EYS: variants seen among roughly 807,000 people sequenced by gnomAD.
EYS encodes protein eyes shut homolog.
A neutral mutation model predicts 282.1 loss-of-function variants in EYS; 250 were observed. The ratio of observed to expected loss-of-function variants is 0.89; its 90% confidence interval spans 0.80 to 0.98. The LOEUF (loss-of-function observed/expected upper bound fraction) is 0.98, where lower values mean the gene tolerates loss of function less well. EYS is among the 50% of genes least tolerant of loss of function. The pLI is 0.00. For missense variants in EYS, 4,016 were observed against 3,709.0 expected (o/e 1.08, Z -2.15); for synonymous variants, 1,355 against 1,282.9 (o/e 1.06, Z -1.20).
intron 33 of EYS, among the ~76,000 whole-genome samples, chr6:64,036,867 G>T (rs1241287421): frequency 2.0e-5 from 3 of 152,186 alleles, no homozygotes; most frequent in Non-Finnish European, 2.9e-5. Flanking sequence ...CCACACGGAG[G>T]ATAGTGGCAA....
At chr6:64,852,188 A>G (rs965416443) in intron 19 of EYS, among the ~76,000 whole-genome samples, 1 of 152,096 alleles carries the variant, frequency 6.6e-6, no homozygotes, top group African/African-American at 2.4e-5. Context: ...TGAAGGATGC[A>G]AAGTATTGAT....
chr6:64,705,744 G>A (rs574832627), intron 22 of EYS, among the ~76,000 whole-genome samples: 21 of 148,234 alleles, frequency 1.4e-4, no homozygotes, highest in East Asian at 4.0e-4. Flanking sequence ...ACCAAACACC[G>A]CATATTCTCA....
intron 12 of EYS, among the ~76,000 whole-genome samples, chr6:65,242,141 A>G (rs1437247733): frequency 6.6e-6 from 1 of 152,114 alleles, no homozygotes; most frequent in Non-Finnish European, 1.5e-5. Flanking sequence ...CTATATTGAG[A>G]TATAATTCAC....
At position 65,443,386 on chromosome 6, in the gene EYS, A is replaced by G. The variant is rs868031702; in HGVS notation, c.863-38019T>C. Among the ~76,000 whole-genome samples, 41 of 100,110 alleles carry G rather than the reference A, an allele frequency of 4.1e-4. 1 individual carries two copies. The highest frequency in any genetic ancestry group is 9.6e-4 in the African/African-American group (35 of 36,486). 65.7% of individuals were successfully genotyped at this position (100,110 alleles called of 152,430 possible). Reference sequence around the variant, plus strand: ...TACATGTATGTACACATATAGACATATATGCATACATGTATGTACACATAT... The same window carrying G: ...TACATGTATGTACACATATAGACATGTATGCATACATGTATGTACACATAT... On this transcript the variant is annotated intron_variant, in intron 5 of 42. Transcript: ENST00000503581.
chr6:64,365,550 G>A (rs1370262381), intron 29 of EYS, among the ~76,000 whole-genome samples: 1 of 151,972 alleles, frequency 6.6e-6, no homozygotes, highest in Non-Finnish European at 1.5e-5. Context: ...AGCAGTCTTT[G>A]ACATCTCTGC....
At chr6:64,514,745 T>C (rs7764098) in intron 26 of EYS, among the ~76,000 whole-genome samples, 3,575 of 151,880 alleles carry the variant, frequency 0.024, 136 homozygotes, top group African/African-American at 0.082. Context: ...CCCTGTCTAA[T>C]ATAGCATCAT....
chr6:65,542,127 A>T (rs9345647), intron 2 of EYS, among the ~76,000 whole-genome samples: 62,468 of 151,982 alleles, frequency 0.41, 13,209 homozygotes, highest in Middle Eastern at 0.54. Context: ...GATAGATTTG[A>T]CTTTTTAGCA....
intron 22 of EYS, among the ~76,000 whole-genome samples, chr6:64,629,408 A>T (rs1767710686): frequency 2.0e-5 from 3 of 152,212 alleles, no homozygotes; most frequent in East Asian, 1.9e-4. Flanking sequence ...ATATATTTTT[A>T]AAATCTTTTC....
At chr6:64,818,522 G>C (rs1017808799) in intron 21 of EYS, among the ~76,000 whole-genome samples, 1 of 152,088 alleles carries the variant, frequency 6.6e-6, no homozygotes, top group African/African-American at 2.4e-5. Flanking sequence ...AAGCCAGTCC[G>C]AGTCCCAAAA....
At chr6:64,117,584 T>C (rs1040122662) in intron 31 of EYS, among the ~76,000 whole-genome samples, 4 of 151,572 alleles carry the variant, frequency 2.6e-5, no homozygotes, top group Admixed American at 6.6e-5. Context: ...TTATAAACAA[T>C]TATATGCCAA....
intron 14 of EYS, among the ~76,000 whole-genome samples, chr6:64,972,693 G>A (rs1239439073): frequency 1.3e-5 from 2 of 152,074 alleles, no homozygotes; most frequent in African/African-American, 2.4e-5. Context: ...CGTGTTAGTA[G>A]ACTACATTAC....
At position 65,141,259 on chromosome 6, in the gene EYS, G is replaced by A. The variant is rs546985854; in HGVS notation, c.2024-83532C>T. On this transcript the variant is annotated intron_variant, in intron 12 of 42. Coordinates refer to ENST00000503581, the MANE Select transcript of EYS (RefSeq NM_001142800.2). ...TCACAAGGACAAAAAACCAAACACC[G>A]CATGTTCTCACTCATAGGTGGGAAT... 2.4e-4 allele frequency among the ~76,000 whole-genome samples: 37 copies of A among 151,948 alleles called. 1 individual carries two copies. The highest frequency in any genetic ancestry group is 1.2e-3 in the South Asian group (6 of 4,822).
intron 35 of EYS, among the ~76,000 whole-genome samples, chr6:63,965,440 A>G (rs771539108): frequency 2.6e-5 from 4 of 152,292 alleles, no homozygotes; most frequent in East Asian, 1.9e-4. Context: ...TTTGTTTTCA[A>G]TTTTAACAGA....
At chr6:65,379,933 G>C (rs1484249877) in intron 8 of EYS, among the ~76,000 whole-genome samples, 1 of 151,858 alleles carries the variant, frequency 6.6e-6, no homozygotes, top group Non-Finnish European at 1.5e-5. Context: ...CCTCTTCAAG[G>C]AGAACTACAA....
chr6:63,845,203 A>G (rs1176714002), intron 36 of EYS, among the ~76,000 whole-genome samples: 1 of 152,126 alleles, frequency 6.6e-6, no homozygotes. Flanking sequence ...AAGATGGGGG[A>G]GCATTTATTC....
intron 16 of EYS, among the ~76,000 whole-genome samples, chr6:64,903,409 T>C (rs1312564907): frequency 2.0e-5 from 3 of 152,186 alleles, no homozygotes; most frequent in Admixed American, 2.0e-4. Context: ...TTAAGAAAAC[T>C]GTATTCATTG....
intron 14 of EYS, 125 bp from the exon 15 acceptor site, chr6:64,946,039 C>A: frequency 1.5e-6 from 1 of 661,058 alleles, no homozygotes. Flanking sequence ...TATAGAATGC[C>A]AATACTCCCC....
chr6:64,518,208 T>C (rs368177675), intron 26 of EYS, among the ~76,000 whole-genome samples: 10 of 151,946 alleles, frequency 6.6e-5, no homozygotes, highest in African/African-American at 2.4e-4. Flanking sequence ...TCTCATTCTC[T>C]ATGCAGTCTA....
Position 64,005,985 on chromosome 6 carries a change from G to C in EYS, c.6726-6802C>G, listed in dbSNP as rs149190179. Among the ~76,000 whole-genome samples the C allele has an allele frequency of 3.0e-3, 460 of 152,230 alleles. 6 individuals are homozygous for C. Among genetic ancestry groups the C allele is most frequent in the Admixed American group, 0.025 (380 of 15,270 alleles). On this transcript the variant is annotated intron_variant, in intron 33 of 42. Coordinates refer to ENST00000503581, the MANE Select transcript of EYS (RefSeq NM_001142800.2). ...TCGGTTCCATATGAATTTTAAAATA[G>C]TTTTTTCTAATTCTGTGAAGAATGT...
Sources: allele counts gnomAD v4.1 joint callset (sites outside exome capture counted in the v4.1 genomes callset), GRCh38; gene constraint gnomAD v4.1.1; transcripts MANE v1.5; gene names NCBI Gene and HGNC (gene_info 2026-07-23, HGNC 2026-07-21).